SETD7: variants seen among roughly 807,000 people sequenced by gnomAD.
SETD7 encodes the protein SET domain containing 7, histone lysine methyltransferase.
In SETD7, 16 loss-of-function variants were observed where a neutral mutation model predicts 41.8. The observed-to-expected ratio is 0.38, with a 90% CI of 0.26 to 0.58. The LOEUF (loss-of-function observed/expected upper bound fraction) is 0.58, where lower values mean the gene tolerates loss of function less well. SETD7 is among the 20% of genes least tolerant of loss of function. The pLI, the probability that SETD7 is intolerant of heterozygous loss-of-function variation, is 0.64. For missense variants in SETD7, 346 were observed against 459.7 expected (o/e 0.75, Z 2.26); for synonymous variants, 163 against 169.7 (o/e 0.96, Z 0.31).
rs926691201 is a variant in SETD7 at position 139,506,074 on chromosome 4, A to G, written c.*5589T>C. 1 of 152,672 alleles carries G rather than the reference A, an allele frequency of 6.5e-6. No homozygotes were observed. Among genetic ancestry groups the G allele is most frequent in the South Asian group, 2.1e-4 (1 of 4,832 alleles). 9.5% of individuals were successfully genotyped at this position (152,672 alleles called of 1,614,324 possible). ...TTTGTTTAATACTTGCATTGTTTCTATAGCGCAATTATAGCAATCTTTAAA... is the reference window on the plus strand; with the variant it reads ...TTTGTTTAATACTTGCATTGTTTCTGTAGCGCAATTATAGCAATCTTTAAA... On this transcript the variant is annotated 3_prime_UTR_variant, in exon 8 of 8. Coordinates refer to ENST00000274031, the MANE Select transcript of SETD7 (RefSeq NM_030648.4).
intron 2 of SETD7, among the ~76,000 whole-genome samples, chr4:139,543,745 G>A (rs1480328511): frequency 6.9e-6 from 1 of 145,848 alleles, no homozygotes; most frequent in African/African-American, 2.6e-5. Flanking sequence ...GAGGTCAGGA[G>A]ATCAAGACCA....
chr4:139,504,670 T>C (rs1378145456), downstream of SETD7, among the ~76,000 whole-genome samples: 1 of 152,186 alleles, frequency 6.6e-6, no homozygotes, highest in Non-Finnish European at 1.5e-5. Flanking sequence ...AAACTAGCAG[T>C]CTGAATGATT....
chr4:139,500,133 T>A (rs548192408), intron 7 of SETD7, among the ~76,000 whole-genome samples: 7 of 152,338 alleles, frequency 4.6e-5, no homozygotes, highest in African/African-American at 1.4e-4. Flanking sequence ...TTTCAGCAAA[T>A]TTTTGAGAGC....
At chr4:139,518,826 T>C (rs534320661) in intron 6 of SETD7, among the ~76,000 whole-genome samples, 42 of 151,882 alleles carry the variant, frequency 2.8e-4, no homozygotes, top group African/African-American at 9.7e-4. Context: ...CAGGGGTTAC[T>C]AACAGTGTAA....
chr4:139,497,615 ATC>A (rs1726489213), intron 7 of SETD7, among the ~76,000 whole-genome samples: 2 of 150,836 alleles, frequency 1.3e-5, no homozygotes, highest in South Asian at 2.1e-4. Flanking sequence ...TTTAGACGAA[ATC>A]TCTCTCTTGT....
downstream of SETD7, among the ~76,000 whole-genome samples, chr4:139,501,376 A>G (rs1048564036): frequency 1.4e-5 from 2 of 148,052 alleles, no homozygotes; most frequent in African/African-American, 4.9e-5. Flanking sequence ...AGTGGGAGCT[A>G]AGCTATGAGT....
intron 7 of SETD7, among the ~76,000 whole-genome samples, chr4:139,497,841 C>G (rs12503769): frequency 0.8 from 121,583 of 151,488 alleles, 49,614 homozygotes; most frequent in East Asian, 0.98. Flanking sequence ...GATCCACCCG[C>G]CTCGGCCTCC....
intron 7 of SETD7, among the ~76,000 whole-genome samples, chr4:139,516,483 A>G (rs2079724797): frequency 2.6e-5 from 4 of 151,576 alleles, no homozygotes; most frequent in Admixed American, 1.3e-4. Context: ...AAAAAAAAAA[A>G]AAAACAATGA....
chr4:139,536,702 T>C (rs1008558108), intron 2 of SETD7, among the ~76,000 whole-genome samples: 5 of 149,758 alleles, frequency 3.3e-5, no homozygotes, highest in Non-Finnish European at 5.9e-5. Flanking sequence ...ACAGCGAGAC[T>C]CTGTCTTAAA....
chr4:139,499,424 G>A (rs910346742), intron 7 of SETD7, among the ~76,000 whole-genome samples: 68 of 152,132 alleles, frequency 4.5e-4, no homozygotes, highest in Admixed American at 4.3e-3. Context: ...CCCCAGAGTC[G>A]CAAGATTTAT....
chr4:139,520,708 A>G (rs1464555300), intron 5 of SETD7, among the ~76,000 whole-genome samples: 3 of 152,216 alleles, frequency 2.0e-5, no homozygotes, highest in Non-Finnish European at 2.9e-5. Context: ...TTAGTTGATG[A>G]CAATTTTCAC....
chr4:139,498,610 G>A (rs550553713), intron 7 of SETD7, among the ~76,000 whole-genome samples: 20 of 152,246 alleles, frequency 1.3e-4, no homozygotes, highest in Non-Finnish European at 2.4e-4. Flanking sequence ...GGGTTCAGAA[G>A]ACAATATCCA....
intron 2 of SETD7, chr4:139,546,406 A>G: frequency 4.5e-6 from 1 of 222,544 alleles, no homozygotes; most frequent in Non-Finnish European, 9.0e-6. Flanking sequence ...ATGAAGCAGA[A>G]GAACCAACAA....
In SETD7 at chr4:139,533,145, T is replaced by C; in HGVS notation, c.372+20A>G. The C allele has an allele frequency of 1.9e-6, 3 of 1,596,786 alleles. No homozygotes were observed. The highest frequency in any genetic ancestry group is 2.6e-6 in the Non-Finnish European group (3 of 1,164,272). ...CACAGTATGTTACTTTCCAGCAGAG[T>C]GAACAGTCACACGGCTTACTGGGTA... On this transcript the variant is annotated intron_variant, in intron 3 of 7. Transcript: ENST00000274031.
intron 1 of SETD7, among the ~76,000 whole-genome samples, chr4:139,552,878 ACCAC>A (rs1728150603): frequency 6.6e-6 from 1 of 152,212 alleles, no homozygotes; most frequent in Admixed American, 6.5e-5. Context: ...CATATTAGAG[ACCAC>A]ATCATATTCA....
chr4:139,496,294 TG>T (rs1447277556), exon 8 of SETD7: 1 of 673,990 alleles, frequency 1.5e-6, no homozygotes, highest in Non-Finnish European at 2.7e-6. Context: ...GGGAAGCCTA[TG>T]TTCTGACAAT....
chr4:139,506,972 T>G lies in SETD7; in HGVS notation c.*4691A>C, dbSNP rs573738478. The G allele has an allele frequency of 1.7e-4, 26 of 152,752 alleles. No individual in the cohort carries two copies. The highest frequency in any genetic ancestry group is 6.0e-4 in the African/African-American group (25 of 41,530). 9.5% of individuals were successfully genotyped at this position (152,752 alleles called of 1,614,324 possible). On this transcript the variant is annotated 3_prime_UTR_variant, in exon 8 of 8. Coordinates refer to ENST00000274031, the MANE Select transcript of SETD7 (RefSeq NM_030648.4). ...ACAGGAAATGTACTGTGCTGAGAAA[T>G]GGGCCCCTTGCCAGATGCTCCCCTC...
intron 2 of SETD7, among the ~76,000 whole-genome samples, chr4:139,536,498 G>A (rs1727639695): frequency 6.6e-6 from 1 of 152,122 alleles, no homozygotes; most frequent in African/African-American, 2.4e-5. Context: ...GATCGCTTGA[G>A]GCCAGGAGTT....
At chr4:139,503,231 T>C (rs1206651945), downstream of SETD7, among the ~76,000 whole-genome samples, 1 of 144,098 alleles carries the variant, frequency 6.9e-6, no homozygotes, top group Non-Finnish European at 1.5e-5. Flanking sequence ...ATGGATTGGA[T>C]CAAAGAGGGA....
Sources: gnomAD v4.1 joint callset for allele counts (sites outside exome capture counted in the v4.1 genomes callset) on GRCh38, gnomAD v4.1.1 for gene constraint, MANE v1.5 for transcripts, NCBI Gene and HGNC (gene_info 2026-07-23, HGNC 2026-07-21) for gene names.